The following WASF3 variants were observed in gnomAD, a reference collection of about 807,000 sequenced individuals.
WASF3 encodes WASP family member 3.
Under a neutral mutation model 46.6 loss-of-function variants are expected in WASF3, and 11 were observed. The ratio of observed to expected loss-of-function variants is 0.24; its 90% CI spans 0.15 to 0.39. The LOEUF (loss-of-function observed/expected upper bound fraction) is 0.39. Ranked by LOEUF, WASF3 falls within the 10% of genes least tolerant of loss-of-function variation. The pLI is 1.00. For missense variants in WASF3, 576 were observed against 669.8 expected, an observed-to-expected ratio of 0.86 and a Z score of 1.55; for synonymous variants, 242 against 259.7, an observed-to-expected ratio of 0.93 and a Z score of 0.65.
chr13:26,676,444 T>G, intron 6 of WASF3, 105 bp from the exon 7 acceptor site: 3 of 1,254,990 alleles, frequency 2.4e-6, no homozygotes, highest in Non-Finnish European at 3.3e-6. Flanking sequence ...GAATGTGTCT[T>G]GTCTGTTCAT....
chr13:26,627,800 T>C (rs1271133041), intron 2 of WASF3, among the ~76,000 whole-genome samples: 1 of 151,654 alleles, frequency 6.6e-6, no homozygotes, highest in East Asian at 1.9e-4. Flanking sequence ...GACGAGTTAG[T>C]GGGTGCAGCA....
chr13:26,641,409 GC>G (rs889303890), intron 2 of WASF3: 1 of 152,156 alleles, frequency 6.6e-6, no homozygotes, highest in African/African-American at 2.4e-5. Flanking sequence ...GTACCAAAAT[GC>G]CAGAGGTTTG....
intron 7 of WASF3, 24 bp from the exon 8 acceptor site, chr13:26,681,030 C>T: frequency 6.3e-7 from 1 of 1,575,728 alleles, no homozygotes; most frequent in Non-Finnish European, 8.7e-7. Context: ...TAAATTTCTC[C>T]CACCTCTTGT....
chr13:26,583,154 A>T (rs193068508), intron 1 of WASF3, among the ~76,000 whole-genome samples: 1 of 152,216 alleles, frequency 6.6e-6, no homozygotes, highest in East Asian at 1.9e-4. Context: ...ACATGTTTGC[A>T]TAATGATTTA....
At chr13:26,615,172 G>T (rs926464943) in intron 2 of WASF3, among the ~76,000 whole-genome samples, 1 of 151,974 alleles carries the variant, frequency 6.6e-6, no homozygotes, top group African/African-American at 2.4e-5. Context: ...ATTTAGTCCT[G>T]TGTGTGGCTA....
At chr13:26,661,171 T>C (rs1336258947) in intron 3 of WASF3, among the ~76,000 whole-genome samples, 1 of 152,218 alleles carries the variant, frequency 6.6e-6, no homozygotes, top group Non-Finnish European at 1.5e-5. Flanking sequence ...GCATCCACGC[T>C]GTAGCAAGTA....
intron 3 of WASF3, among the ~76,000 whole-genome samples, chr13:26,661,484 G>A (rs61945625): frequency 0.17 from 26,070 of 152,196 alleles, 2,574 homozygotes; most frequent in South Asian, 0.26. Context: ...ATACTCCATT[G>A]TATGTGTGTA....
chr13:26,562,997 C>T (rs1053261481), intron 1 of WASF3, among the ~76,000 whole-genome samples: 1 of 151,114 alleles, frequency 6.6e-6, no homozygotes. Flanking sequence ...CTTCCTTTCT[C>T]AAGACATGCT....
At position 26,684,723 on chromosome 13, in the gene WASF3, CTG is replaced by C. The variant is rs1204036424; in HGVS notation, c.1352-961_1352-960del. ...TCTCAAATGGTCCAGAGAAAAGTGT[CTG>C]TGTCTGTCTGTGTAAAGATGATAGG... On this transcript the variant is annotated intron_variant, in intron 9 of 9. Transcript: ENST00000335327. Among the ~76,000 whole-genome samples the C allele has an allele frequency of 4.6e-5, 7 of 152,222 alleles. No individual in the cohort carries two copies. The East Asian group carries it at 7.7e-4, about 17-fold the overall frequency.
intron 2 of WASF3, among the ~76,000 whole-genome samples, chr13:26,616,437 C>T (rs1881135911): frequency 6.6e-6 from 1 of 152,012 alleles, no homozygotes; most frequent in Admixed American, 6.5e-5. Context: ...AATCTTGTGC[C>T]CATTTTAAGA....
At chr13:26,660,212 T>G (rs921312582) in intron 3 of WASF3, among the ~76,000 whole-genome samples, 4 of 131,168 alleles carry the variant, frequency 3.0e-5, no homozygotes, top group East Asian at 2.0e-4. Flanking sequence ...TTTTTTTTTT[T>G]TTTTTTTTTT....
chr13:26,580,689 G>T (rs192505996), intron 1 of WASF3, among the ~76,000 whole-genome samples: 2 of 149,464 alleles, frequency 1.3e-5, no homozygotes, highest in African/African-American at 4.9e-5. Flanking sequence ...GCGATGGCAC[G>T]ATCTCGGCTC....
intron 3 of WASF3, among the ~76,000 whole-genome samples, chr13:26,658,105 T>C (rs1261530916): frequency 7.2e-6 from 1 of 139,376 alleles, no homozygotes; most frequent in Non-Finnish European, 1.5e-5. Flanking sequence ...TTTGAGAGTA[T>C]TGCTGTCACT....
At chr13:26,662,073 G>A (rs1386023262) in intron 3 of WASF3, among the ~76,000 whole-genome samples, 1 of 152,196 alleles carries the variant, frequency 6.6e-6, no homozygotes, top group East Asian at 1.9e-4. Context: ...AGTGCATTCT[G>A]GCTGGAGCAC....
At chr13:26,661,069 G>C (rs988403157) in intron 3 of WASF3, among the ~76,000 whole-genome samples, 1 of 152,214 alleles carries the variant, frequency 6.6e-6, no homozygotes, top group Non-Finnish European at 1.5e-5. Flanking sequence ...GTCTATTCAC[G>C]AGGGATCCAC....
At chr13:26,586,196 A>G (rs1050360086) in intron 1 of WASF3, among the ~76,000 whole-genome samples, 9 of 152,140 alleles carry the variant, frequency 5.9e-5, no homozygotes, top group Admixed American at 4.6e-4. Flanking sequence ...TTTCAATAAT[A>G]TTTTGAAAGA....
intron 3 of WASF3, among the ~76,000 whole-genome samples, chr13:26,663,272 C>T (rs9507760): frequency 0.29 from 43,887 of 151,706 alleles, 6,603 homozygotes; most frequent in South Asian, 0.39. Flanking sequence ...TCTTAACAGA[C>T]GTCAACATGG....
At chr13:26,663,216 G>A (rs1335429101) in intron 3 of WASF3, among the ~76,000 whole-genome samples, 2 of 152,162 alleles carry the variant, frequency 1.3e-5, no homozygotes, top group South Asian at 2.1e-4. Flanking sequence ...CAGGTTTGAG[G>A]TAAGGTGAAA....
rs149680380 is a variant in WASF3, at chr13:26,654,730, C to G, written c.134-10298C>G. Among the ~76,000 whole-genome samples, 335 of 152,186 alleles carry G rather than the reference C, an allele frequency of 2.2e-3. 2 individuals are homozygous for G. Among genetic ancestry groups the G allele is most frequent in the Non-Finnish European group, 2.2e-3 (152 of 68,000 alleles). On this transcript the variant is annotated intron_variant, in intron 3 of 9. Coordinates refer to ENST00000335327, the MANE Select transcript of WASF3 (RefSeq NM_006646.6). The stretch of plus-strand genomic sequence containing the variant: ...TGTTTTTCTTAATTTTTCAAATTTT[C>G]TATCATGAGCATGTGTTAGTTTTAT...
Sources: allele counts gnomAD v4.1 joint callset (sites outside exome capture counted in the v4.1 genomes callset), GRCh38; gene constraint gnomAD v4.1.1; transcripts MANE v1.5; gene names NCBI Gene and HGNC (gene_info 2026-07-23, HGNC 2026-07-21).